The following KCNJ6 variants were observed in gnomAD, a reference collection of about 807,000 sequenced individuals.
The protein encoded by KCNJ6 is potassium inwardly rectifying channel subfamily J member 6, also known as G protein-activated inward rectifier potassium channel 2.
A neutral mutation model predicts 34.2 loss-of-function variants in KCNJ6; 9 were observed. The observed-to-expected ratio is 0.26, with a 90% CI of 0.16 to 0.46. The LOEUF (loss-of-function observed/expected upper bound fraction) is 0.46. Among genes scored for constraint, KCNJ6 ranks in the 20% least tolerant of loss-of-function variants. KCNJ6 has a pLI of 1.00. For missense variants in KCNJ6, 236 were observed against 531.3 expected (o/e 0.44, Z 5.46); for synonymous variants, 196 against 207.1 (o/e 0.95, Z 0.46).
intron 2 of KCNJ6, among the ~76,000 whole-genome samples, chr21:37,790,890 T>A (rs1001793019): frequency 6.6e-6 from 1 of 152,244 alleles, no homozygotes; most frequent in Non-Finnish European, 1.5e-5. Flanking sequence ...GAATCCTCCC[T>A]GTTCAAAGTT....
chr21:37,683,067 C>T (rs1317292659), intron 3 of KCNJ6, among the ~76,000 whole-genome samples: 1 of 152,226 alleles, frequency 6.6e-6, no homozygotes, highest in African/African-American at 2.4e-5. Flanking sequence ...GTTTCTCAGT[C>T]TCTGGCGTCA....
At chr21:37,890,272 G>T (rs1173414041) in intron 1 of KCNJ6, among the ~76,000 whole-genome samples, 1 of 152,132 alleles carries the variant, frequency 6.6e-6, no homozygotes, top group Non-Finnish European at 1.5e-5. Flanking sequence ...AAAACCATCA[G>T]ATCTCATGAG....
At chr21:37,800,408 A>T (rs2055263499) in intron 2 of KCNJ6, among the ~76,000 whole-genome samples, 1 of 152,120 alleles carries the variant, frequency 6.6e-6, no homozygotes, top group Non-Finnish European at 1.5e-5. Flanking sequence ...TATCCCAAAA[A>T]CTGAAACAAA....
chr21:37,720,769 G>A (rs1343259599), intron 2 of KCNJ6, among the ~76,000 whole-genome samples: 10 of 149,768 alleles, frequency 6.7e-5, no homozygotes, highest in South Asian at 2.1e-4. Flanking sequence ...CTGCAGTGGC[G>A]CAATCTCGGC....
intron 3 of KCNJ6, among the ~76,000 whole-genome samples, chr21:37,636,361 C>T (rs1442413129): frequency 6.6e-6 from 1 of 152,234 alleles, no homozygotes; most frequent in Non-Finnish European, 1.5e-5. Context: ...TGCTTGATTT[C>T]CACAGTGTTG....
chr21:37,762,229 T>G (rs1230772398), intron 2 of KCNJ6, among the ~76,000 whole-genome samples: 1 of 151,920 alleles, frequency 6.6e-6, no homozygotes, highest in African/African-American at 2.4e-5. Context: ...CCCTGAGGAG[T>G]GTTTGGGTGT....
chr21:37,710,130 A>G (rs1250834723), intron 3 of KCNJ6, among the ~76,000 whole-genome samples: 2 of 152,228 alleles, frequency 1.3e-5, no homozygotes, highest in East Asian at 1.9e-4. Context: ...ACCAATCACC[A>G]TGTGTTAACC....
chr21:37,699,087 C>A lies in KCNJ6; in HGVS notation c.946+15124G>T, dbSNP rs138958204. 2.7e-3 allele frequency among the ~76,000 whole-genome samples: 414 copies of A among 152,288 alleles called. 5 individuals are homozygous for A. Among genetic ancestry groups the A allele is most frequent in the African/African-American group, 9.5e-3 (393 of 41,550 alleles). On this transcript the variant is annotated intron_variant, in intron 3 of 3. Transcript: ENST00000609713. Reference sequence around the variant, plus strand: ...TGAAAATGATATGTGTCCATAAACACAATTTATGGCAGAGTTGAGCTGTTG... The same window carrying A: ...TGAAAATGATATGTGTCCATAAACAAAATTTATGGCAGAGTTGAGCTGTTG...
chr21:37,715,188 C>A, intron 2 of KCNJ6, 57 bp from the exon 3 acceptor site: 4 of 1,438,866 alleles, frequency 2.8e-6, no homozygotes, highest in Admixed American at 2.2e-5. Context: ...TCTTTGAGGA[C>A]AATGGAACGG....
intron 2 of KCNJ6, among the ~76,000 whole-genome samples, chr21:37,816,817 C>G (rs1219665758): frequency 1.3e-5 from 2 of 152,160 alleles, no homozygotes; most frequent in Non-Finnish European, 2.9e-5. Context: ...GCCTTCCCAT[C>G]CTGCTTCTCT....
chr21:37,609,703 C>T lies in KCNJ6; in HGVS notation c.*15456G>A, dbSNP rs1290934831. On this transcript the variant is annotated 3_prime_UTR_variant, in exon 4 of 4. Coordinates refer to ENST00000609713, the MANE Select transcript of KCNJ6 (RefSeq NM_002240.5). ...TATTATGGTTTAAGCTTTTTGCCTCCTTAATTATCCTGTCTGGTTTAGTTT... is the reference window on the plus strand; with the variant it reads ...TATTATGGTTTAAGCTTTTTGCCTCTTTAATTATCCTGTCTGGTTTAGTTT... 1 of 152,146 alleles carries T rather than the reference C, an allele frequency of 6.6e-6. No individual in the cohort carries two copies. The highest frequency in any genetic ancestry group is 1.5e-5 in the Non-Finnish European group (1 of 68,036). 9.4% of individuals were successfully genotyped at this position (152,146 alleles called of 1,614,324 possible).
intron 2 of KCNJ6, among the ~76,000 whole-genome samples, chr21:37,742,752 C>T (rs1477172917): frequency 6.6e-6 from 1 of 152,192 alleles, no homozygotes; most frequent in Non-Finnish European, 1.5e-5. Flanking sequence ...TCAGATTGGG[C>T]TCTCTCTAAT....
intron 2 of KCNJ6, among the ~76,000 whole-genome samples, chr21:37,723,523 G>A (rs2054837607): frequency 6.6e-6 from 1 of 152,142 alleles, no homozygotes; most frequent in Non-Finnish European, 1.5e-5. Context: ...ATCAACCTAG[G>A]TGCCCATCAT....
chr21:37,720,088 A>T (rs933897160), intron 2 of KCNJ6, among the ~76,000 whole-genome samples: 3 of 131,338 alleles, frequency 2.3e-5, no homozygotes, highest in Middle Eastern at 3.5e-3. Flanking sequence ...GAATGTTAAT[A>T]GGGCAATTTT....
At chr21:37,754,768 C>T (rs2055015325) in intron 2 of KCNJ6, among the ~76,000 whole-genome samples, 1 of 152,192 alleles carries the variant, frequency 6.6e-6, no homozygotes, top group East Asian at 1.9e-4. Context: ...CGGTACATTT[C>T]CTGCCTAAGA....
rs115106808 is a variant in KCNJ6 at position 37,717,805 on chromosome 21, T to A, written c.26-2674A>T. On this transcript the variant is annotated intron_variant, in intron 2 of 3. Transcript: ENST00000609713. ...TCCTTAAGTGGGAGAAGAGGGTTTG[T>A]CAAATTAGCTGATTCTCAAGTCTTC... Among the ~76,000 whole-genome samples, 1,009 of 152,290 alleles carry A rather than the reference T, an allele frequency of 6.6e-3. 13 individuals are homozygous for A. Among genetic ancestry groups the A allele is most frequent in the African/African-American group, 0.023 (943 of 41,550 alleles).
intron 2 of KCNJ6, among the ~76,000 whole-genome samples, chr21:37,743,834 C>A (rs1427623668): frequency 1.3e-5 from 2 of 151,974 alleles, no homozygotes; most frequent in Non-Finnish European, 2.9e-5. Context: ...ACCACTTACA[C>A]CATTAAAAAA....
chr21:37,749,072 C>G (rs1021096859), intron 2 of KCNJ6, among the ~76,000 whole-genome samples: 16 of 152,238 alleles, frequency 1.1e-4, no homozygotes, highest in East Asian at 7.7e-4. Flanking sequence ...ATAAACACAC[C>G]TATGCATGCA....
intron 3 of KCNJ6, among the ~76,000 whole-genome samples, chr21:37,636,814 A>C (rs2054359994): frequency 6.6e-6 from 1 of 152,222 alleles, no homozygotes; most frequent in Admixed American, 6.5e-5. Flanking sequence ...GATGAAAGTC[A>C]TCCTCATGAG....
Sources: allele counts gnomAD v4.1 joint callset (sites outside exome capture counted in the v4.1 genomes callset), GRCh38; gene constraint gnomAD v4.1.1; transcripts MANE v1.5; gene names NCBI Gene and HGNC (gene_info 2026-07-23, HGNC 2026-07-21).